LMNTD1: variants seen among roughly 807,000 people sequenced by gnomAD.
The protein encoded by LMNTD1 is lamin tail domain containing 1.
In LMNTD1, 35 loss-of-function variants were observed where a neutral mutation model predicts 50.9. The observed-to-expected ratio is 0.69, with a 90% CI of 0.53 to 0.91. The LOEUF (loss-of-function observed/expected upper bound fraction) is 0.91. Ranked by LOEUF, LMNTD1 falls within the 40% of genes least tolerant of loss-of-function variation. The probability of loss-of-function intolerance (pLI) is 0.00; values close to 1 mark genes in which losing one functional copy is unlikely to be tolerated. For synonymous variants in LMNTD1, 153 were observed against 161.9 expected, an observed-to-expected ratio of 0.94 and a Z score of 0.42; for missense variants, 470 against 475.5, an observed-to-expected ratio of 0.99 and a Z score of 0.11.
intron 1 of LMNTD1, among the ~76,000 whole-genome samples, chr12:25,622,463 G>GGCC (rs1946491734): frequency 6.3e-5 from 7 of 111,152 alleles, no homozygotes; most frequent in Non-Finnish European, 1.2e-4. Context: ...GAGTTTGTGA[G>GGCC]CCCGCCCCCC....
At chr12:25,548,167 A>G (rs1169472989) in intron 3 of LMNTD1, among the ~76,000 whole-genome samples, 1 of 151,902 alleles carries the variant, frequency 6.6e-6, no homozygotes, top group Non-Finnish European at 1.5e-5. Context: ...TGTCATACAA[A>G]AAATGAAACA....
chr12:25,546,718 A>G (rs930533254), intron 3 of LMNTD1, among the ~76,000 whole-genome samples, 164 bp from the exon 4 acceptor site: 1 of 151,728 alleles, frequency 6.6e-6, no homozygotes, highest in African/African-American at 2.4e-5. Flanking sequence ...CTTTAAACAA[A>G]AGCCTATAAA....
intron 1 of LMNTD1, among the ~76,000 whole-genome samples, chr12:25,623,511 G>A (rs569948763): frequency 2.2e-4 from 27 of 122,478 alleles, no homozygotes; most frequent in Admixed American, 6.5e-4. Flanking sequence ...CCAAGATTGC[G>A]CCATTGCACT....
chr12:25,644,558 C>T (rs558973297), intron 1 of LMNTD1, among the ~76,000 whole-genome samples: 2 of 152,028 alleles, frequency 1.3e-5, no homozygotes, highest in African/African-American at 2.4e-5. Flanking sequence ...AACAAACAAA[C>T]AAACAAAAAC....
chr12:25,502,802 A>G (rs1939462265), intron 9 of LMNTD1: 1 of 152,232 alleles, frequency 6.6e-6, no homozygotes, highest in African/African-American at 2.4e-5. Flanking sequence ...AAAATAGAAG[A>G]TGACAATTAG....
chr12:25,553,193 G>T lies in LMNTD1; in HGVS notation c.-155C>A. 6.3e-7 allele frequency: 1 copy of T among 1,586,184 alleles called. No homozygotes were observed. Among genetic ancestry groups the T allele is most frequent in the African/African-American group, 1.3e-5 (1 of 74,182 alleles). ...CATAGCCAATCCTGATCTTGGCTAA[G>T]GATGTCGGACAAACCATGGTGCAGG... On this transcript the variant is annotated 5_prime_UTR_variant, in exon 1 of 10. Transcript: ENST00000458174.
intron 1 of LMNTD1, among the ~76,000 whole-genome samples, chr12:25,620,766 C>T (rs1007639933): frequency 6.6e-6 from 1 of 152,198 alleles, no homozygotes; most frequent in African/African-American, 2.4e-5. Flanking sequence ...GTACTCCACT[C>T]CGTAGCTACT....
intron 1 of LMNTD1, among the ~76,000 whole-genome samples, chr12:25,635,252 G>GAAAAAAAAAAAAAAAAAAAAAAAAA (rs61645838): frequency 7.8e-6 from 1 of 128,064 alleles, no homozygotes; most frequent in African/African-American, 3.0e-5. Context: ...AAAAAAAAAA[G>GAAAAAAAAAAAAAAAAAAAAAAAAA]AAAAAAAAAA....
chr12:25,613,240 C>A (rs955605377), intron 1 of LMNTD1, among the ~76,000 whole-genome samples: 1 of 152,192 alleles, frequency 6.6e-6, no homozygotes, highest in Admixed American at 6.5e-5. Flanking sequence ...AAAGTCAATG[C>A]ACCACACAGA....
At chr12:25,587,924 C>A (rs1361836629) in intron 1 of LMNTD1, among the ~76,000 whole-genome samples, 1 of 152,120 alleles carries the variant, frequency 6.6e-6, no homozygotes, top group Non-Finnish European at 1.5e-5. Context: ...GTATAATTGG[C>A]AACATCCTTG....
chr12:25,504,147 T>C (rs1939565916), intron 8 of LMNTD1, among the ~76,000 whole-genome samples: 1 of 152,204 alleles, frequency 6.6e-6, no homozygotes, highest in Non-Finnish European at 1.5e-5. Flanking sequence ...TTTTTTAAAA[T>C]GGAGGTTTGC....
At chr12:25,643,051 A>C (rs1217475320) in intron 1 of LMNTD1, among the ~76,000 whole-genome samples, 1 of 152,244 alleles carries the variant, frequency 6.6e-6, no homozygotes, top group Non-Finnish European at 1.5e-5. Flanking sequence ...ATAGCCTTGA[A>C]GAAGGATTAA....
At chr12:25,596,723 T>TA (rs1032502658) in intron 1 of LMNTD1, among the ~76,000 whole-genome samples, 2 of 151,924 alleles carry the variant, frequency 1.3e-5, no homozygotes, top group African/African-American at 2.4e-5. Context: ...CATCTGAAGA[T>TA]AAAAAAACTC....
At chr12:25,576,735 CT>C (rs1182938331) in intron 1 of LMNTD1, among the ~76,000 whole-genome samples, 1 of 152,136 alleles carries the variant, frequency 6.6e-6, no homozygotes, top group Admixed American at 6.5e-5. Flanking sequence ...TGTTGCCATG[CT>C]TTTGGTGTTT....
chr12:25,593,449 A>G (rs2136484436), intron 1 of LMNTD1, among the ~76,000 whole-genome samples: 1 of 152,286 alleles, frequency 6.6e-6, no homozygotes, highest in South Asian at 2.1e-4. Flanking sequence ...GGCTAGATCC[A>G]GAAGAGAGAT....
intron 1 of LMNTD1, among the ~76,000 whole-genome samples, chr12:25,623,098 A>C (rs1006537769): frequency 1.3e-5 from 2 of 151,956 alleles, no homozygotes; most frequent in Admixed American, 6.6e-5. Context: ...TAACACAAGA[A>C]TTTTTTTTAA....
chr12:25,483,750 G>A (rs1938520011), intron 9 of LMNTD1, among the ~76,000 whole-genome samples: 1 of 137,472 alleles, frequency 7.3e-6, no homozygotes, highest in Admixed American at 7.9e-5. Flanking sequence ...CCAAGCCAGG[G>A]CGACAGAGTG....
intron 8 of LMNTD1, among the ~76,000 whole-genome samples, chr12:25,504,012 C>T (rs79134544): frequency 0.022 from 3,293 of 152,190 alleles, 52 homozygotes; most frequent in Middle Eastern, 0.058. Flanking sequence ...TAAAAACCAC[C>T]TGAAAAGTAT....
In LMNTD1 at chr12:25,487,379, C is replaced by G. The variant is rs1465595904; in HGVS notation, c.*23-10919G>C. Among the ~76,000 whole-genome samples, 4 of 133,436 alleles carry G rather than the reference C, an allele frequency of 3.0e-5. No homozygotes were observed. The Admixed American group carries it at 3.2e-4, about 11-fold the overall frequency. 87.5% of individuals were successfully genotyped at this position (133,436 alleles called of 152,430 possible). ...CTTCTTGTTGAATTGATCCCTTTACCATTATGTAATGGCCTTCTTTGTCTC... is the reference window on the plus strand; with the variant it reads ...CTTCTTGTTGAATTGATCCCTTTACGATTATGTAATGGCCTTCTTTGTCTC... On this transcript the variant is annotated intron_variant, in intron 9 of 9. Coordinates refer to ENST00000458174, the MANE Select transcript of LMNTD1 (RefSeq NM_001145728.2).
Sources: gnomAD v4.1 joint callset for allele counts (sites outside exome capture counted in the v4.1 genomes callset) on GRCh38, gnomAD v4.1.1 for gene constraint, MANE v1.5 for transcripts, NCBI Gene and HGNC (gene_info 2026-07-23, HGNC 2026-07-21) for gene names.